The following DCC variants were observed in gnomAD, a reference collection of about 807,000 sequenced individuals.
DCC encodes the protein DCC netrin 1 receptor, also known as netrin receptor DCC.
DCC carries 58 observed loss-of-function variants against 172.5 expected under a neutral mutation model. That is an observed-to-expected ratio of 0.34 (90% CI 0.27 to 0.42). DCC has a LOEUF of 0.42. DCC is among the 10% of genes least tolerant of loss of function. The pLI, the probability that DCC is intolerant of heterozygous loss-of-function variation, is 1.00. For synonymous variants in DCC, 709 were observed against 644.5 expected (o/e 1.10, Z -1.52); for missense variants, 1,740 against 1,791.0 (o/e 0.97, Z 0.51).
Position 52,605,274 on chromosome 18 carries a change from G to T in DCC, c.92-146780G>T, listed in dbSNP as rs180689850. On this transcript the variant is annotated intron_variant, in intron 1 of 28. Transcript: ENST00000442544. Reference sequence around the variant, plus strand: ...ATATAATATTTTTAAAATTCTGGAAGAAAAATTGGCTAAGTGACAAATTTG... The same window carrying T: ...ATATAATATTTTTAAAATTCTGGAATAAAAATTGGCTAAGTGACAAATTTG... 6.4e-4 allele frequency among the ~76,000 whole-genome samples: 97 copies of T among 152,204 alleles called. 2 individuals are homozygous for T. The highest frequency in any genetic ancestry group is 2.1e-3 in the African/African-American group (89 of 41,556).
chr18:52,809,992 A>AGCTAGGCT (rs2038163076), intron 2 of DCC, among the ~76,000 whole-genome samples: 1 of 152,072 alleles, frequency 6.6e-6, no homozygotes, highest in African/African-American at 2.4e-5. Context: ...CACCTTCCCC[A>AGCTAGGCT]GCTAGGCTTG....
intron 12 of DCC, among the ~76,000 whole-genome samples, chr18:53,285,741 G>T (rs189584632): frequency 6.6e-6 from 1 of 152,162 alleles, no homozygotes; most frequent in African/African-American, 2.4e-5. Context: ...AGCCACAAAC[G>T]CTCAATGCTG....
At position 53,533,459 on chromosome 18, in the gene DCC, C is replaced by T. The variant is rs2046543427; in HGVS notation, c.*2806C>T. On this transcript the variant is annotated 3_prime_UTR_variant, in exon 29 of 29. Coordinates refer to ENST00000442544, the MANE Select transcript of DCC (RefSeq NM_005215.4). Reference sequence around the variant, plus strand: ...TCTGCCCTGTAATGTGCTTAAATGTCAGGCAACATCCTCTTTTTTTTAAAA... The same window carrying T: ...TCTGCCCTGTAATGTGCTTAAATGTTAGGCAACATCCTCTTTTTTTTAAAA... 6.6e-6 allele frequency: 1 copy of T among 152,124 alleles called. No individual in the cohort carries two copies. Among genetic ancestry groups the T allele is most frequent in the South Asian group, 2.1e-4 (1 of 4,834 alleles). 9.4% of individuals were successfully genotyped at this position (152,124 alleles called of 1,614,324 possible). A position where few individuals can be genotyped will look rare whatever the true frequency, so the allele number is the denominator to read the frequency against.
chr18:52,969,582 C>CCCCTCTCTCT (rs1555689589), intron 5 of DCC, among the ~76,000 whole-genome samples: 2 of 80,054 alleles, frequency 2.5e-5, no homozygotes, highest in African/African-American at 1.1e-4. Flanking sequence ...GCCCCGCCCC[C>CCCCTCTCTCT]CACTCTCTCT....
intron 1 of DCC, among the ~76,000 whole-genome samples, chr18:52,397,587 G>A (rs1986278977): frequency 1.3e-5 from 2 of 151,934 alleles, no homozygotes; most frequent in Admixed American, 6.6e-5. Context: ...TGCCATTAGA[G>A]TGCTACCCTA....
intron 15 of DCC, among the ~76,000 whole-genome samples, chr18:53,383,958 A>G (rs1220906392): frequency 2.0e-5 from 3 of 152,140 alleles, no homozygotes; most frequent in African/African-American, 7.2e-5. Context: ...ATCTTTGCAT[A>G]TACTGTCATT....
At chr18:52,675,487 AATAT>A (rs2035631782) in intron 1 of DCC, among the ~76,000 whole-genome samples, 1 of 152,118 alleles carries the variant, frequency 6.6e-6, no homozygotes, top group African/African-American at 2.4e-5. Flanking sequence ...GTATTTCCTA[AATAT>A]ATTTAATTGA....
chr18:53,522,770 T>C (rs2046414110), intron 27 of DCC, among the ~76,000 whole-genome samples: 1 of 152,140 alleles, frequency 6.6e-6, no homozygotes, highest in African/African-American at 2.4e-5. Context: ...TAACTCAAGA[T>C]GGATTAAAGA....
chr18:53,068,968 T>G (rs2042614659), intron 7 of DCC, among the ~76,000 whole-genome samples: 1 of 152,046 alleles, frequency 6.6e-6, no homozygotes, highest in Non-Finnish European at 1.5e-5. Context: ...TAATAGGGAC[T>G]TATGAACAGG....
At chr18:52,428,801 AT>A (rs771821073) in intron 1 of DCC, among the ~76,000 whole-genome samples, 29 of 152,270 alleles carry the variant, frequency 1.9e-4, no homozygotes, top group Non-Finnish European at 4.0e-4. Flanking sequence ...CAGGTATGTT[AT>A]TAATCCAACT....
At chr18:53,346,263 A>G (rs984311399) in intron 15 of DCC, among the ~76,000 whole-genome samples, 1 of 152,146 alleles carries the variant, frequency 6.6e-6, no homozygotes, top group African/African-American at 2.4e-5. Flanking sequence ...TATATTATAT[A>G]GAGGCATAGT....
intron 12 of DCC, among the ~76,000 whole-genome samples, chr18:53,253,365 T>C (rs1326460299): frequency 6.6e-6 from 1 of 152,048 alleles, no homozygotes; most frequent in African/African-American, 2.4e-5. Flanking sequence ...GTAGAAGTTG[T>C]TATTATCTCC....
At chr18:53,057,763 A>G (rs1331171593) in intron 5 of DCC, among the ~76,000 whole-genome samples, 1 of 152,152 alleles carries the variant, frequency 6.6e-6, no homozygotes, top group East Asian at 1.9e-4. Flanking sequence ...GCTGCCAACC[A>G]AAAAGCCTAA....
At chr18:52,673,023 A>G (rs1013154561) in intron 1 of DCC, among the ~76,000 whole-genome samples, 1 of 152,190 alleles carries the variant, frequency 6.6e-6, no homozygotes, top group Admixed American at 6.5e-5. Flanking sequence ...TGATTGCTCC[A>G]CTGCACTCTA....
chr18:53,531,679 A>T lies in DCC; in HGVS notation c.*1026A>T, dbSNP rs2046526821. 6.6e-6 allele frequency: 1 copy of T among 152,212 alleles called. No homozygotes were observed. 9.4% of individuals were successfully genotyped at this position (152,212 alleles called of 1,614,324 possible). ...TGTCTTCTAATCCCGTAGAAATGGC[A>T]GACTCCCTGAGAGCAGGAAGAGAAG... is the stretch of plus-strand genomic sequence containing the variant. On this transcript the variant is annotated 3_prime_UTR_variant, in exon 29 of 29. Coordinates refer to ENST00000442544, the MANE Select transcript of DCC (RefSeq NM_005215.4).
intron 1 of DCC, among the ~76,000 whole-genome samples, chr18:52,587,507 C>T (rs1264100513): frequency 6.6e-6 from 1 of 152,188 alleles, no homozygotes; most frequent in Non-Finnish European, 1.5e-5. Context: ...CATCCACAAA[C>T]CTCTTCCCCA....
Position 53,302,019 on chromosome 18 carries a change from G to C in DCC, c.1912-3559G>C, listed in dbSNP as rs536617216. On this transcript the variant is annotated intron_variant, in intron 12 of 28. Coordinates refer to ENST00000442544, the MANE Select transcript of DCC (RefSeq NM_005215.4). ...CAGATTTGGTTTCTTCTGAGGCCTC[G>C]CTCACTTGGCTTATAGATGGCTACC... Among the ~76,000 whole-genome samples, 13 of 152,168 alleles carry C rather than the reference G, an allele frequency of 8.5e-5. No individual in the cohort carries two copies. In the South Asian group the frequency reaches 2.7e-3, roughly 32 times the overall value.
intron 1 of DCC, among the ~76,000 whole-genome samples, chr18:52,497,596 T>C (rs1392913830): frequency 6.6e-6 from 1 of 151,976 alleles, no homozygotes. Context: ...CCCTAACAAG[T>C]GATTTTTAAA....
chr18:52,482,699 T>C (rs2030018196), intron 1 of DCC, among the ~76,000 whole-genome samples: 2 of 152,274 alleles, frequency 1.3e-5, no homozygotes, highest in East Asian at 3.9e-4. Context: ...TGGGGTAGAA[T>C]TTCAATATAT....
Sources: gnomAD v4.1 joint callset for allele counts (sites outside exome capture counted in the v4.1 genomes callset) on GRCh38, gnomAD v4.1.1 for gene constraint, MANE v1.5 for transcripts, NCBI Gene and HGNC (gene_info 2026-07-23, HGNC 2026-07-21) for gene names.